The following KYAT3 variants were observed in gnomAD, a reference collection of about 807,000 sequenced individuals.
KYAT3 encodes kynurenine--oxoglutarate transaminase 3.
Under a neutral mutation model 59.0 loss-of-function variants are expected in KYAT3, and 50 were observed. That is an observed-to-expected ratio of 0.85 (90% CI 0.68 to 1.07). KYAT3 has a LOEUF of 1.07. Among genes scored for constraint, KYAT3 ranks in the 50% least tolerant of loss-of-function variants. The pLI is 0.00. For synonymous variants in KYAT3, 148 were observed against 177.0 expected, an observed-to-expected ratio of 0.84 and a Z score of 1.30; for missense variants, 497 against 533.3, an observed-to-expected ratio of 0.93 and a Z score of 0.67.
chr1:88,961,328 A>G (rs1250404450), intron 7 of KYAT3, 41 bp from the exon 8 acceptor site: 3 of 1,613,448 alleles, frequency 1.9e-6, no homozygotes, highest in Admixed American at 1.7e-5. Flanking sequence ...ATTATTCAAC[A>G]TGTGAGAAAA....
chr1:88,933,164 C>A (rs1420883852), downstream of KYAT3, among the ~76,000 whole-genome samples: 1 of 152,182 alleles, frequency 6.6e-6, no homozygotes, highest in African/African-American at 2.4e-5. Context: ...CTTTATTCTG[C>A]TCTAGTTCTT....
intron 11 of KYAT3, among the ~76,000 whole-genome samples, chr1:88,945,154 A>T (rs1323692219): frequency 6.7e-6 from 1 of 148,246 alleles, no homozygotes; most frequent in Non-Finnish European, 1.5e-5. Context: ...AGAAAAAAGT[A>T]ACGTAATACC....
intron 2 of KYAT3, among the ~76,000 whole-genome samples, chr1:88,977,367 A>G: frequency 6.6e-6 from 1 of 152,058 alleles, no homozygotes; most frequent in East Asian, 1.9e-4. Context: ...ATGCCCAGCT[A>G]ATTTTTGTAT....
chr1:88,977,964 C>G (rs546898480), intron 2 of KYAT3, among the ~76,000 whole-genome samples: 9 of 152,246 alleles, frequency 5.9e-5, no homozygotes, highest in African/African-American at 2.2e-4. Context: ...AGGTGTGTAG[C>G]AGGCTATATA....
intron 2 of KYAT3, among the ~76,000 whole-genome samples, chr1:88,985,831 G>T (rs1366736083): frequency 6.6e-6 from 1 of 152,138 alleles, no homozygotes; most frequent in East Asian, 1.9e-4. Flanking sequence ...CACTAAAGGA[G>T]GCAAAGAGAT....
At chr1:88,946,947 TG>T (rs953153647) in intron 11 of KYAT3, among the ~76,000 whole-genome samples, 100 of 152,380 alleles carry the variant, frequency 6.6e-4, no homozygotes, top group African/African-American at 2.3e-3. Context: ...TATGTTGTCT[TG>T]GCATCCATTG....
chr1:88,986,512 G>A (rs1035197933), intron 2 of KYAT3, among the ~76,000 whole-genome samples: 4 of 150,466 alleles, frequency 2.7e-5, no homozygotes, highest in African/African-American at 9.8e-5. Context: ...GGCTGGTCTT[G>A]AACTCCTGGT....
intron 11 of KYAT3, among the ~76,000 whole-genome samples, chr1:88,944,915 C>A (rs1675377881): frequency 6.6e-6 from 1 of 152,166 alleles, no homozygotes; most frequent in African/African-American, 2.4e-5. Context: ...ACGATCTCGG[C>A]TCACTGCAAC....
In KYAT3 at chr1:88,962,070, G is replaced by A. The variant is rs1570801740; in HGVS notation, c.529C>T (p.Pro177Ser). The A allele has an allele frequency of 6.2e-7, 1 of 1,613,136 alleles. No individual in the cohort carries two copies. Among genetic ancestry groups the A allele is most frequent in the Non-Finnish European group, 8.5e-7 (1 of 1,179,202 alleles). The change falls in exon 6 of 14, where the codon CCC (proline) becomes TCC (serine). Residue 177 changes from proline to serine, a missense_variant. Physicochemically the swap from Pro to Ser is moderately conservative, Grantham distance 74. Transcript: ENST00000260508. ...ACTGGCAAACTTACAGATCTCAGGGGAATAAAAACAGGTGTTGCTCCAGCC... is the reference window on the plus strand; with the variant it reads ...ACTGGCAAACTTACAGATCTCAGGGAAATAAAAACAGGTGTTGCTCCAGCC... ...RMAGATPVFI[P>S]LRSKPVYGKR...
chr1:88,982,515 G>A (rs1677142859), intron 2 of KYAT3: 7 of 1,291,736 alleles, frequency 5.4e-6, no homozygotes, highest in African/African-American at 3.0e-5. Context: ...TAAAAATTAC[G>A]GAAGGGACTT....
At chr1:88,945,483 T>C (rs1463006849) in intron 11 of KYAT3, among the ~76,000 whole-genome samples, 6 of 152,250 alleles carry the variant, frequency 3.9e-5, no homozygotes, top group Non-Finnish European at 7.3e-5. Flanking sequence ...TTGATACTTA[T>C]TAGTTGATTA....
chr1:88,977,805 C>A lies in KYAT3; in HGVS notation c.100-8338G>T, dbSNP rs1044797311. On this transcript the variant is annotated intron_variant, in intron 2 of 13. Coordinates refer to ENST00000260508, the MANE Select transcript of KYAT3 (RefSeq NM_001008661.3). Reference sequence around the variant, plus strand: ...ATGGAAAGTGCTCTACACAGGTGTACCATTTTCTTATCTCACTGCATTTTT... The same window carrying A: ...ATGGAAAGTGCTCTACACAGGTGTAACATTTTCTTATCTCACTGCATTTTT... 3.3e-5 allele frequency among the ~76,000 whole-genome samples: 5 copies of A among 152,224 alleles called. No homozygotes were observed. In the South Asian group the frequency reaches 8.3e-4, roughly 25 times the overall value.
At chr1:88,928,348 T>C in the KYAT3 span, among the ~76,000 whole-genome samples, 9 of 151,534 alleles carry the variant, frequency 5.9e-5, no homozygotes, top group Non-Finnish European at 1.5e-5. Flanking sequence ...TGGTTTTTTA[T>C]AATAGAGATC....
At position 88,964,974 on chromosome 1, in the gene KYAT3, TG is replaced by T; in HGVS notation, c.307del (p.His103IlefsTer5). The T allele has an allele frequency of 6.3e-7, 1 of 1,594,748 alleles. No individual in the cohort carries two copies. Among genetic ancestry groups the T allele is most frequent in the South Asian group, 1.2e-5 (1 of 85,890 alleles). On this transcript the variant is annotated frameshift_variant, in exon 5 of 14. Transcript: ENST00000260508. LOFTEE classifies it high-confidence loss of function. Reference sequence around the variant, plus strand: ...GGACAGAGCTTTCACAAGTGATGGATGGCCCTGTTGGATTAAAAATAAGAAC... The same window carrying T: ...GGACAGAGCTTTCACAAGTGATGGATGCCCTGTTGGATTAAAAATAAGAAC... ...SLNQYTRGFG[H>X]PSLVKALSYL...
At chr1:88,983,353 C>T in intron 2 of KYAT3, 1 of 1,614,176 alleles carries the variant, frequency 6.2e-7, no homozygotes, top group Non-Finnish European at 8.5e-7. Flanking sequence ...GAGAAGGACC[C>T]CCACTTCTTG....
At chr1:88,924,012 G>A in the KYAT3 span, among the ~76,000 whole-genome samples, 1 of 152,224 alleles carries the variant, frequency 6.6e-6, no homozygotes, top group Admixed American at 6.5e-5. Context: ...GCGGTGAGCA[G>A]GGAGTATTGG....
intron 10 of KYAT3, among the ~76,000 whole-genome samples, chr1:88,950,585 C>T (rs1157030155): frequency 6.6e-6 from 1 of 151,918 alleles, no homozygotes; most frequent in Non-Finnish European, 1.5e-5. Flanking sequence ...CATAAACATC[C>T]ATCCTAACTA....
intron 11 of KYAT3, among the ~76,000 whole-genome samples, chr1:88,947,335 A>G (rs1675482846): frequency 6.6e-6 from 1 of 152,144 alleles, no homozygotes; most frequent in East Asian, 1.9e-4. Context: ...TCTGTTCCCC[A>G]CCTGCTGGTT....
Position 88,964,893 on chromosome 1 carries a change from A to G in KYAT3, c.389T>C (p.Val130Ala), listed in dbSNP as rs1439905614. The change falls in exon 5 of 14, where the codon GTG becomes GCG. Residue 130 changes from valine to alanine, a missense_variant. By Grantham distance (64) the Val-to-Ala change is moderately conservative. Transcript: ENST00000260508. ...AAGAGATCCATATGCTCCTACTGTC[A>G]CAAGGATTTCTTTATTTGAATCAAT... ...KQIDSNKEIL[V>A]TVGAYGSLFN... 3.1e-6 allele frequency: 5 copies of G among 1,609,770 alleles called. No homozygotes were observed. Among genetic ancestry groups the G allele is most frequent in the Non-Finnish European group, 4.2e-6 (5 of 1,178,748 alleles).
Sources: gnomAD v4.1 joint callset for allele counts (sites outside exome capture counted in the v4.1 genomes callset) on GRCh38, gnomAD v4.1.1 for gene constraint, MANE v1.5 for transcripts, NCBI Gene and HGNC (gene_info 2026-07-23, HGNC 2026-07-21) for gene names.